Variants in LHFPL3 observed in about 807,000 individuals in gnomAD.
The protein encoded by LHFPL3 is LHFPL tetraspan subfamily member 3 protein.
LHFPL3 carries 5 observed loss-of-function variants against 19.3 expected under a neutral mutation model. That is an observed-to-expected ratio of 0.26 (90% CI 0.14 to 0.54). The LOEUF is 0.54. LHFPL3 is among the 20% of genes least tolerant of loss of function. The pLI, the probability that LHFPL3 is intolerant of heterozygous loss-of-function variation, is 0.94. For missense variants in LHFPL3, 249 were observed against 307.4 expected (o/e 0.81, Z 1.42); for synonymous variants, 133 against 126.2 (o/e 1.05, Z -0.36).
intron 2 of LHFPL3, among the ~76,000 whole-genome samples, chr7:104,775,738 C>T (rs548851872): frequency 6.6e-6 from 1 of 152,280 alleles, no homozygotes; most frequent in Non-Finnish European, 1.5e-5. Flanking sequence ...TAGTCACTAA[C>T]TTTAAAAATG....
intron 1 of LHFPL3, among the ~76,000 whole-genome samples, chr7:104,554,866 C>T (rs1367094065): frequency 6.6e-6 from 1 of 152,176 alleles, no homozygotes; most frequent in Non-Finnish European, 1.5e-5. Flanking sequence ...ACCCTGAAGG[C>T]CTGAGAACAC....
intron 1 of LHFPL3, among the ~76,000 whole-genome samples, chr7:104,522,767 G>T (rs1262712246): frequency 1.3e-5 from 2 of 152,244 alleles, no homozygotes; most frequent in Middle Eastern, 3.4e-3. Flanking sequence ...CACTGGGGAA[G>T]GCTCACAGCA....
At chr7:104,874,189 T>A (rs574692119) in intron 2 of LHFPL3, among the ~76,000 whole-genome samples, 2 of 152,348 alleles carry the variant, frequency 1.3e-5, no homozygotes, top group African/African-American at 4.8e-5. Flanking sequence ...CTCTGGATAT[T>A]CAATTAGTTT....
intron 2 of LHFPL3, chr7:104,803,676 C>A (rs539014379): frequency 1.3e-5 from 2 of 152,322 alleles, no homozygotes; most frequent in African/African-American, 4.8e-5. Flanking sequence ...GTTCCCTTAC[C>A]CTCCTGAGTA....
chr7:104,768,352 C>T (rs1254913577), intron 2 of LHFPL3, among the ~76,000 whole-genome samples: 1 of 152,066 alleles, frequency 6.6e-6, no homozygotes, highest in Non-Finnish European at 1.5e-5. Context: ...TATCATTGGC[C>T]TTTTGTGAAC....
intron 1 of LHFPL3, among the ~76,000 whole-genome samples, chr7:104,505,769 A>G (rs906948385): frequency 6.6e-6 from 1 of 152,236 alleles, no homozygotes; most frequent in Non-Finnish European, 1.5e-5. Flanking sequence ...TGTTCCAATT[A>G]CCAAAGCATG....
chr7:104,487,655 A>G (rs1371866972), intron 1 of LHFPL3, among the ~76,000 whole-genome samples: 1 of 152,356 alleles, frequency 6.6e-6, no homozygotes, highest in Admixed American at 6.5e-5. Context: ...TAACATCATA[A>G]TAAGATGGCA....
intron 1 of LHFPL3, among the ~76,000 whole-genome samples, chr7:104,342,378 A>G (rs1057136893): frequency 2.6e-5 from 4 of 152,334 alleles, no homozygotes; most frequent in Admixed American, 1.3e-4. Context: ...ATAATGTTTA[A>G]GATAACTCAG....
chr7:104,346,206 T>C (rs1790061742), intron 1 of LHFPL3, among the ~76,000 whole-genome samples: 1 of 152,100 alleles, frequency 6.6e-6, no homozygotes, highest in African/African-American at 2.4e-5. Flanking sequence ...TGGCTAATTT[T>C]TGTATTTTTA....
At chr7:104,717,037 A>G (rs947050359) in intron 1 of LHFPL3, among the ~76,000 whole-genome samples, 6 of 152,180 alleles carry the variant, frequency 3.9e-5, no homozygotes, top group African/African-American at 1.4e-4. Flanking sequence ...TGGTCAACTA[A>G]TCTTCTACAG....
At position 104,431,672 on chromosome 7, in the gene LHFPL3, T is replaced by G. The variant is rs555468744; in HGVS notation, c.445+102448T>G. Among the ~76,000 whole-genome samples, 6 of 152,358 alleles carry G rather than the reference T, an allele frequency of 3.9e-5. No individual in the cohort carries two copies. In the South Asian group the frequency reaches 1.2e-3, roughly 32 times the overall value. On this transcript the variant is annotated intron_variant, in intron 1 of 2. Transcript: ENST00000424859. ...AGAATATATTTATCTTACCATCACA[T>G]GTATAAAATAATTTGTTGGATATAA...
chr7:104,396,918 C>T (rs909328756), intron 1 of LHFPL3, among the ~76,000 whole-genome samples: 1 of 151,868 alleles, frequency 6.6e-6, no homozygotes, highest in East Asian at 1.9e-4. Context: ...TGCAGTGAGC[C>T]GAGATCGCAA....
At chr7:104,796,840 A>G (rs1790144099) in intron 2 of LHFPL3, 1 of 152,656 alleles carries the variant, frequency 6.6e-6, no homozygotes, top group African/African-American at 2.4e-5. Context: ...TCTACCATGC[A>G]TGGTGTCTGC....
In LHFPL3 at chr7:104,732,333, G is replaced by A. The variant is rs1489062890; in HGVS notation, c.446-4342G>A. Reference sequence around the variant, plus strand: ...GCTCCTTGTACCTCTGGTAGAATTCGGCTGTGAATCCATCTGATCCTGGAC... The same window carrying A: ...GCTCCTTGTACCTCTGGTAGAATTCAGCTGTGAATCCATCTGATCCTGGAC... On this transcript the variant is annotated intron_variant, in intron 1 of 2. Transcript: ENST00000424859. Among the ~76,000 whole-genome samples the A allele has an allele frequency of 7.2e-5, 11 of 152,228 alleles. No homozygotes were observed. In the South Asian group the frequency reaches 8.3e-4, roughly 11 times the overall value.
chr7:104,335,424 A>G (rs1194551223), intron 1 of LHFPL3, among the ~76,000 whole-genome samples: 1 of 152,236 alleles, frequency 6.6e-6, no homozygotes, highest in Non-Finnish European at 1.5e-5. Context: ...GTGATCTGGA[A>G]TAATTTAGAA....
intron 2 of LHFPL3, among the ~76,000 whole-genome samples, chr7:104,807,229 A>G (rs1037359456): frequency 6.6e-6 from 1 of 152,100 alleles, no homozygotes; most frequent in African/African-American, 2.4e-5. Context: ...CAGAGAGAGC[A>G]CCATGTGAAG....
intron 1 of LHFPL3, among the ~76,000 whole-genome samples, chr7:104,575,559 TAAAAAA>T (rs58118006): frequency 2.2e-4 from 8 of 36,148 alleles, no homozygotes; most frequent in African/African-American, 5.5e-4. Context: ...CAAAGAGATC[TAAAAAA>T]AAAAAAAAAA....
rs574241156 is a variant in LHFPL3, at chr7:104,467,664, T to A, written c.445+138440T>A. On this transcript the variant is annotated intron_variant, in intron 1 of 2. Coordinates refer to ENST00000424859, the MANE Select transcript of LHFPL3 (RefSeq NM_199000.3). The stretch of plus-strand genomic sequence containing the variant: ...GCGTATTCAATTTAATAATATTTCC[T>A]GGATTAATTTCTCCTCATCCAATGA... Among the ~76,000 whole-genome samples, 3 of 152,348 alleles carry A rather than the reference T, an allele frequency of 2.0e-5. No homozygotes were observed. The South Asian group carries it at 6.2e-4, about 32-fold the overall frequency.
chr7:104,452,196 G>A (rs1274272936), intron 1 of LHFPL3, among the ~76,000 whole-genome samples: 1 of 151,962 alleles, frequency 6.6e-6, no homozygotes, highest in African/African-American at 2.4e-5. Context: ...TGATTTGTGT[G>A]ATTTTTACAT....
Sources: allele counts gnomAD v4.1 joint callset (sites outside exome capture counted in the v4.1 genomes callset), GRCh38; gene constraint gnomAD v4.1.1; transcripts MANE v1.5; gene names NCBI Gene and HGNC (gene_info 2026-07-23, HGNC 2026-07-21).